SUSD6: variants seen among roughly 807,000 people sequenced by gnomAD.
The protein encoded by SUSD6 is sushi domain containing 6.
A neutral mutation model predicts 28.4 loss-of-function variants in SUSD6; 16 were observed. That is an observed-to-expected ratio of 0.56 (90% confidence interval 0.38 to 0.86). SUSD6 has a LOEUF of 0.86. SUSD6 is among the 40% of genes least tolerant of loss of function. SUSD6 has a pLI of 0.00. For missense variants in SUSD6, 341 were observed against 384.2 expected (o/e 0.89, Z 0.94); for synonymous variants, 147 against 159.6 (o/e 0.92, Z 0.59).
At chr14:69,678,449 ATATT>A (rs370024443) in intron 2 of SUSD6, among the ~76,000 whole-genome samples, 122 of 152,178 alleles carry the variant, frequency 8.0e-4, no homozygotes, top group African/African-American at 2.7e-3. Flanking sequence ...TAATAACAAA[ATATT>A]TATAACCATT....
At chr14:69,655,947 A>G (rs1885576018) in intron 1 of SUSD6, among the ~76,000 whole-genome samples, 1 of 152,070 alleles carries the variant, frequency 6.6e-6, no homozygotes, top group Non-Finnish European at 1.5e-5. Flanking sequence ...TTAGTCTTAT[A>G]ATTTCCCTGT....
At chr14:69,651,875 C>T (rs1480502718) in intron 1 of SUSD6, among the ~76,000 whole-genome samples, 1 of 152,204 alleles carries the variant, frequency 6.6e-6, no homozygotes, top group Non-Finnish European at 1.5e-5. Flanking sequence ...TTACTTATCA[C>T]ACCCCTCTGG....
In SUSD6 at chr14:69,676,378, CT is replaced by C. The variant is rs752145702; in HGVS notation, c.121+17678del. On this transcript the variant is annotated intron_variant, in intron 2 of 5. Coordinates refer to ENST00000342745, the MANE Select transcript of SUSD6 (RefSeq NM_014734.4). The stretch of plus-strand genomic sequence containing the variant: ...CTCCTCCAACTTTACTGTGCTTTTT[CT>C]TTTTTTTTTTTTCCTTTTTGAGACA... Among the ~76,000 whole-genome samples the C allele has an allele frequency of 4.0e-3, 569 of 143,428 alleles. 2 individuals carry two copies. Among genetic ancestry groups the C allele is most frequent in the Non-Finnish European group, 5.3e-3 (347 of 65,040 alleles). 94.1% of individuals were successfully genotyped at this position (143,428 alleles called of 152,430 possible).
intron 1 of SUSD6, among the ~76,000 whole-genome samples, chr14:69,612,039 GGCGCGGCCAGCCGGCCAGCAGTGGGGGCT>G (rs1360427568): frequency 3.3e-5 from 5 of 149,376 alleles, no homozygotes; most frequent in Non-Finnish European, 7.5e-5. Context: ...GCGCTGGCGT[GGCGCGGCCAGCCGGCCAGCAGTGGGGGCT>G]GCGCGGCCGG....
At chr14:69,659,123 G>C (rs1249982644) in intron 2 of SUSD6, among the ~76,000 whole-genome samples, 1 of 152,220 alleles carries the variant, frequency 6.6e-6, no homozygotes, top group Non-Finnish European at 1.5e-5. Context: ...CTCAGCTGCA[G>C]AATGGGATAA....
At chr14:69,692,038 C>CAAA (rs200335924) in intron 2 of SUSD6, among the ~76,000 whole-genome samples, 3,490 of 68,182 alleles carry the variant, frequency 0.051, 65 homozygotes, top group Middle Eastern at 0.12. Flanking sequence ...GACTCCGTCT[C>CAAA]AAAAAAAAAA....
intron 2 of SUSD6, among the ~76,000 whole-genome samples, chr14:69,659,853 C>T (rs1885637440): frequency 6.6e-6 from 1 of 152,130 alleles, no homozygotes; most frequent in African/African-American, 2.4e-5. Flanking sequence ...GCCCTTGTTG[C>T]CTTCAACAGT....
intron 1 of SUSD6, among the ~76,000 whole-genome samples, chr14:69,652,825 A>G (rs1242451408): frequency 6.6e-6 from 1 of 152,222 alleles, no homozygotes; most frequent in Non-Finnish European, 1.5e-5. Context: ...ACAACAAGCA[A>G]GTAAACCATG....
chr14:69,689,124 C>A (rs573362895), intron 2 of SUSD6, among the ~76,000 whole-genome samples: 21 of 152,178 alleles, frequency 1.4e-4, no homozygotes, highest in Non-Finnish European at 2.8e-4. Context: ...TACTCATGAT[C>A]CTACTTCCCG....
chr14:69,676,590 T>A (rs1885913828), intron 2 of SUSD6, among the ~76,000 whole-genome samples: 1 of 152,198 alleles, frequency 6.6e-6, no homozygotes, highest in Non-Finnish European at 1.5e-5. Context: ...AGATGACATC[T>A]TAGTATGTTG....
chr14:69,680,119 A>G (rs918867546), intron 2 of SUSD6, among the ~76,000 whole-genome samples: 3 of 152,054 alleles, frequency 2.0e-5, no homozygotes, highest in African/African-American at 7.2e-5. Flanking sequence ...CTCATTTTGG[A>G]TCCTTGGGTT....
rs181222968 is a variant in SUSD6 at position 69,640,569 on chromosome 14, T to C, written c.-80-17944T>C. ...CCCAGGTGGTTTCAAACTCCTCACC[T>C]TGAGTGATCCTTCTGCCTCAGCCTC... On this transcript the variant is annotated intron_variant, in intron 1 of 5. Transcript: ENST00000342745. Among the ~76,000 whole-genome samples the C allele has an allele frequency of 2.0e-3, 302 of 152,300 alleles. 2 individuals are homozygous for C. The highest frequency in any genetic ancestry group is 3.3e-3 in the Non-Finnish European group (222 of 68,030).
At position 69,658,661 on chromosome 14, in the gene SUSD6, G is replaced by A; in HGVS notation, c.69G>A (p.Val23=). 2 of 1,614,120 alleles carry A rather than the reference G, an allele frequency of 1.2e-6. No homozygotes were observed. The highest frequency in any genetic ancestry group is 8.5e-7 in the Non-Finnish European group (1 of 1,179,980). Residue 23 remains valine (V), a synonymous_variant, in exon 2 of 6, where the codon GTG becomes GTA. Transcript: ENST00000342745. Reference sequence around the variant, plus strand: ...CCGTGGCCTCCGTGGGACATGGAGTGTTCCTTCCGCTAGTGATCCTTTGCA... The same window carrying A: ...CCGTGGCCTCCGTGGGACATGGAGTATTCCTTCCGCTAGTGATCCTTTGCA... The part of the protein sequence containing the change: ...VFAVASVGHG[V]FLPLVILCTL...
intron 2 of SUSD6, among the ~76,000 whole-genome samples, chr14:69,697,562 T>C (rs1047339637): frequency 6.6e-6 from 1 of 152,224 alleles, no homozygotes; most frequent in Non-Finnish European, 1.5e-5. Flanking sequence ...TTGGGTTAAA[T>C]AAAATATTAA....
chr14:69,623,964 A>AT (rs982155895), intron 1 of SUSD6, among the ~76,000 whole-genome samples: 4 of 152,218 alleles, frequency 2.6e-5, no homozygotes, highest in Non-Finnish European at 4.4e-5. Flanking sequence ...AGAAGAAAAA[A>AT]TTTTAAAAAA....
chr14:69,673,201 C>G (rs79930848), intron 2 of SUSD6, among the ~76,000 whole-genome samples: 5,212 of 152,236 alleles, frequency 0.034, 306 homozygotes, highest in African/African-American at 0.12. Flanking sequence ...GTTATTTGCA[C>G]TAGTGAGTTT....
At chr14:69,626,121 A>C (rs373675022) in intron 1 of SUSD6, among the ~76,000 whole-genome samples, 1 of 152,082 alleles carries the variant, frequency 6.6e-6, no homozygotes, top group Non-Finnish European at 1.5e-5. Flanking sequence ...GAGGGGGGAA[A>C]AAAAGCCCTG....
rs79868721 is a variant in SUSD6 at position 69,649,446 on chromosome 14, C to T, written c.-80-9067C>T. 8.4e-3 allele frequency among the ~76,000 whole-genome samples: 1,284 copies of T among 152,286 alleles called. 13 individuals carry two copies. The highest frequency in any genetic ancestry group is 0.029 in the African/African-American group (1,220 of 41,554). On this transcript the variant is annotated intron_variant, in intron 1 of 5. Transcript: ENST00000342745. Reference sequence around the variant, plus strand: ...CTAGGGTCTAGGAACCAATTACAGTCGCCTCTGCCAAGCATCTGTTTTGCT... The same window carrying T: ...CTAGGGTCTAGGAACCAATTACAGTTGCCTCTGCCAAGCATCTGTTTTGCT...
At chr14:69,647,980 A>G (rs1885452599) in intron 1 of SUSD6, among the ~76,000 whole-genome samples, 1 of 150,336 alleles carries the variant, frequency 6.7e-6, no homozygotes, top group Admixed American at 6.6e-5. Context: ...GCATCTCAGG[A>G]AAAAAAAAAT....
Sources: gnomAD v4.1 joint callset for allele counts (sites outside exome capture counted in the v4.1 genomes callset) on GRCh38, gnomAD v4.1.1 for gene constraint, MANE v1.5 for transcripts, NCBI Gene and HGNC (gene_info 2026-07-23, HGNC 2026-07-21) for gene names.